Variants in WWOX observed in about 807,000 individuals in gnomAD.
WWOX encodes WW domain containing oxidoreductase, also known as WW domain-containing oxidoreductase.
WWOX carries 69 observed loss-of-function variants against 46.2 expected under a neutral mutation model. The observed-to-expected ratio is 1.49, with a 90% CI of 1.23 to 1.82. WWOX has a LOEUF of 1.82. Ranked by LOEUF, WWOX falls within the 40% of genes most tolerant of loss-of-function variation. WWOX has a pLI of 0.00. For missense variants in WWOX, 919 were observed against 542.6 expected (o/e 1.69, Z -6.89); for synonymous variants, 359 against 202.6 (o/e 1.77, Z -6.56).
chr16:79,010,503 C>A (rs1259182313), intron 8 of WWOX, among the ~76,000 whole-genome samples: 1 of 152,090 alleles, frequency 6.6e-6, no homozygotes, highest in Non-Finnish European at 1.5e-5. Context: ...CCCTGGGGAT[C>A]CCCCAGGGAA....
At chr16:78,433,259 G>GGA (rs999799969) in intron 8 of WWOX, among the ~76,000 whole-genome samples, 55 of 152,180 alleles carry the variant, frequency 3.6e-4, no homozygotes, top group African/African-American at 1.3e-3. Context: ...TTGATAGCTA[G>GGA]GAGTGTGTTT....
chr16:79,101,966 T>C (rs975066754), intron 8 of WWOX, among the ~76,000 whole-genome samples: 1 of 147,948 alleles, frequency 6.8e-6, no homozygotes, highest in African/African-American at 2.5e-5. Flanking sequence ...TTACCTGAAG[T>C]TGACACTTAA....
intron 8 of WWOX, among the ~76,000 whole-genome samples, chr16:78,448,489 C>A (rs759800593): frequency 1.3e-5 from 2 of 151,996 alleles, no homozygotes; most frequent in Non-Finnish European, 2.9e-5. Context: ...AACTTCTTAC[C>A]GACAAAGCTG....
rs558169478 is a variant in WWOX at position 78,683,670 on chromosome 16, G to A, written c.1056+250918G>A. 7.2e-5 allele frequency among the ~76,000 whole-genome samples: 11 copies of A among 152,274 alleles called. 1 individual carries two copies. The South Asian group carries it at 2.1e-3, about 29-fold the overall frequency. On this transcript the variant is annotated intron_variant, in intron 8 of 8. Transcript: ENST00000566780. ...TCCTGCCTCGGCTTCCCAAAGTGCT[G>A]GGATTACAGGCACGAGCTGCCACGC...
At chr16:78,444,342 T>G (rs1212489327) in intron 8 of WWOX, among the ~76,000 whole-genome samples, 1 of 152,062 alleles carries the variant, frequency 6.6e-6, no homozygotes, top group Admixed American at 6.6e-5. Flanking sequence ...TAACCAAGAA[T>G]AGCCATCCCT....
chr16:79,046,622 A>G (rs2048070413), intron 8 of WWOX, among the ~76,000 whole-genome samples: 1 of 152,238 alleles, frequency 6.6e-6, no homozygotes, highest in East Asian at 1.9e-4. Flanking sequence ...CAGAAAAACA[A>G]AGCTTTCTGT....
intron 8 of WWOX, among the ~76,000 whole-genome samples, chr16:78,587,139 C>T (rs1202980388): frequency 6.6e-6 from 1 of 151,596 alleles, no homozygotes; most frequent in Admixed American, 6.6e-5. Flanking sequence ...TATCCTCTTA[C>T]CTCAGCCTCT....
intron 8 of WWOX, among the ~76,000 whole-genome samples, chr16:78,532,514 A>G (rs377474938): frequency 5.8e-4 from 88 of 152,304 alleles, no homozygotes; most frequent in African/African-American, 1.9e-3. Context: ...AACAGCAGGC[A>G]TAGTTACTGG....
intron 4 of WWOX, among the ~76,000 whole-genome samples, chr16:78,150,920 C>G (rs895987784): frequency 1.3e-5 from 2 of 152,156 alleles, no homozygotes; most frequent in African/African-American, 4.8e-5. Flanking sequence ...GTCACCCACC[C>G]AGGCTGGAGT....
At chr16:78,759,148 G>T (rs2049729560) in intron 8 of WWOX, among the ~76,000 whole-genome samples, 1 of 152,118 alleles carries the variant, frequency 6.6e-6, no homozygotes, top group Non-Finnish European at 1.5e-5. Context: ...TTTTTTCAGT[G>T]AAGTTATATG....
intron 8 of WWOX, among the ~76,000 whole-genome samples, chr16:78,720,807 C>G (rs955680438): frequency 5.9e-5 from 9 of 152,092 alleles, no homozygotes; most frequent in Admixed American, 2.0e-4. Flanking sequence ...GTGCCTTCCT[C>G]CAAAAGTACA....
In WWOX at chr16:78,432,639, G is replaced by A. The variant is rs768172617; in HGVS notation, c.943G>A (p.Gly315Arg). Residue 315 changes from glycine to arginine, a missense_variant, in exon 8 of 9, where the codon GGG becomes AGG. Coordinates refer to ENST00000566780, the MANE Select transcript of WWOX (RefSeq NM_016373.4). ...GCTGCACCGTCGCCTCTCCCCACGC[G>A]GGGTCACGTCGAACGCAGTGCATCC... ...NELHRRLSPR[G>R]VTSNAVHPGN... is the part of the protein sequence containing the mutation. The A allele has an allele frequency of 2.7e-5, 43 of 1,614,052 alleles. No homozygotes were observed. The highest frequency in any genetic ancestry group is 3.3e-5 in the Non-Finnish European group (39 of 1,180,046).
intron 8 of WWOX, among the ~76,000 whole-genome samples, chr16:79,153,520 A>G (rs567136054): frequency 6.6e-6 from 1 of 152,306 alleles, no homozygotes; most frequent in African/African-American, 2.4e-5. Context: ...GCCCACGGCA[A>G]TGCACTTGTG....
At chr16:78,761,422 C>G (rs954365443) in intron 8 of WWOX, among the ~76,000 whole-genome samples, 1 of 152,072 alleles carries the variant, frequency 6.6e-6, no homozygotes, top group Non-Finnish European at 1.5e-5. Flanking sequence ...TGTTTAGTGC[C>G]CTCTCGGTTC....
intron 8 of WWOX, among the ~76,000 whole-genome samples, chr16:78,847,372 C>G (rs1395194511): frequency 1.3e-5 from 2 of 152,074 alleles, no homozygotes; most frequent in Non-Finnish European, 2.9e-5. Flanking sequence ...GGACACATTC[C>G]ATTATTTGTT....
intron 7 of WWOX, among the ~76,000 whole-genome samples, chr16:78,430,673 T>G (rs2083196247): frequency 6.6e-6 from 1 of 152,174 alleles, no homozygotes; most frequent in African/African-American, 2.4e-5. Context: ...TCCTGTGGTT[T>G]GGGTACTAGA....
chr16:78,495,132 A>G (rs915380848), intron 8 of WWOX, among the ~76,000 whole-genome samples: 1 of 116,660 alleles, frequency 8.6e-6, no homozygotes, highest in Non-Finnish European at 1.8e-5. Context: ...GATTAGTAGT[A>G]GACTGTTGTG....
At chr16:79,187,931 A>G (rs1337746418) in intron 8 of WWOX, among the ~76,000 whole-genome samples, 1 of 152,204 alleles carries the variant, frequency 6.6e-6, no homozygotes, top group African/African-American at 2.4e-5. Context: ...CCAGGCATGG[A>G]TGGCAAGGCA....
chr16:78,945,930 C>G (rs1055011252), intron 8 of WWOX, among the ~76,000 whole-genome samples: 1 of 152,108 alleles, frequency 6.6e-6, no homozygotes, highest in Non-Finnish European at 1.5e-5. Context: ...CATCTCACCA[C>G]GTAGTCATTT....
Sources: gnomAD v4.1 joint callset for allele counts (sites outside exome capture counted in the v4.1 genomes callset) on GRCh38, gnomAD v4.1.1 for gene constraint, MANE v1.5 for transcripts, NCBI Gene and HGNC (gene_info 2026-07-23, HGNC 2026-07-21) for gene names.